The following RBP7 variants were observed in gnomAD, a reference collection of about 807,000 sequenced individuals.
RBP7 encodes retinoid-binding protein 7.
In RBP7, 13 loss-of-function variants were observed where a neutral mutation model predicts 16.7. That is an observed-to-expected ratio of 0.78 (90% confidence interval 0.51 to 1.24). The LOEUF is 1.24. Ranked by LOEUF, RBP7 falls within the 50% of genes most tolerant of loss-of-function variation. The pLI is 0.00. For missense variants in RBP7, 145 were observed against 159.5 expected (o/e 0.91, Z 0.49); for synonymous variants, 54 against 56.2 (o/e 0.96, Z 0.17).
chr1:9,997,236 G>A lies in RBP7; in HGVS notation c.-23G>A, dbSNP rs755940425. ...GGCCCGAGCCTCCGGCCGCCCGCCG[G>A]GTTTGTCCCGCGATCCCCGACCATG... On this transcript the variant is annotated 5_prime_UTR_variant, in exon 1 of 4. Coordinates refer to ENST00000294435, the MANE Select transcript of RBP7 (RefSeq NM_052960.3). This position sits in a 1 kb window ranked among gnomAD's most constrained non-coding sequence, Gnocchi z 5.9. 3 of 1,584,176 alleles carry A rather than the reference G, an allele frequency of 1.9e-6. No individual in the cohort carries two copies. Among genetic ancestry groups the A allele is most frequent in the Non-Finnish European group, 2.6e-6 (3 of 1,163,266 alleles).
intron 2 of RBP7, 67 bp from the exon 3 acceptor site, chr1:10,008,106 C>A: frequency 9.7e-7 from 1 of 1,030,716 alleles, no homozygotes; most frequent in Non-Finnish European, 1.5e-6. Flanking sequence ...GGTAACTTGG[C>A]ATTCTACTTC....
chr1:10,012,939 CAAAAAA>C (rs760583223), intron 3 of RBP7, among the ~76,000 whole-genome samples: 1 of 71,368 alleles, frequency 1.4e-5, no homozygotes, highest in African/African-American at 4.6e-5. Context: ...GAAACTGTCT[CAAAAAA>C]AAAAAAAAAA....
chr1:10,001,265 G>T (rs745823445), intron 1 of RBP7, among the ~76,000 whole-genome samples: 26 of 152,100 alleles, frequency 1.7e-4, no homozygotes, highest in Non-Finnish European at 2.8e-4. Context: ...TTGCCAAACC[G>T]CAGTGAGAAG....
At chr1:10,010,732 GCAC>G (rs1417529696) in intron 3 of RBP7, among the ~76,000 whole-genome samples, 1 of 151,992 alleles carries the variant, frequency 6.6e-6, no homozygotes, top group African/African-American at 2.4e-5. Context: ...TTACAGGCAT[GCAC>G]CACCACGCCT....
Position 10,015,997 on chromosome 1 carries a change from G to A in RBP7, c.*165G>A. On this transcript the variant is annotated 3_prime_UTR_variant, in exon 4 of 4. Transcript: ENST00000294435. The stretch of plus-strand genomic sequence containing the variant: ...ATCTAGATTATGGGGAAACTGCTCA[G>A]CTTCAATAAACCTGTCCAAATGACT... The A allele has an allele frequency of 6.5e-6, 4 of 617,568 alleles. No homozygotes were observed. Among genetic ancestry groups the A allele is most frequent in the Non-Finnish European group, 5.8e-6 (2 of 347,294 alleles). The allele number at this position is 617,568 out of a possible 1,614,324, so 38.3% of individuals were successfully genotyped here. A position where few individuals can be genotyped will look rare whatever the true frequency, so the allele number is the denominator to read the frequency against.
chr1:10,005,686 C>G (rs965544166), intron 1 of RBP7, among the ~76,000 whole-genome samples: 3 of 151,602 alleles, frequency 2.0e-5, no homozygotes, highest in Non-Finnish European at 2.9e-5. Flanking sequence ...GCCACAGTCT[C>G]CCGAGTAGCT....
chr1:10,015,760 TC>T (rs780227599), intron 3 of RBP7, 21 bp from the exon 4 acceptor site: 1 of 1,611,378 alleles, frequency 6.2e-7, no homozygotes, highest in Non-Finnish European at 8.5e-7. Context: ...TCCTTCTTTT[TC>T]CCTTCCTCCT....
At chr1:9,998,386 T>G (rs1642209369) in intron 1 of RBP7, among the ~76,000 whole-genome samples, 1 of 101,482 alleles carries the variant, frequency 9.9e-6, no homozygotes, top group African/African-American at 3.0e-5. Context: ...TTGTTTTCTT[T>G]TTTTCTTTCT....
intron 1 of RBP7, among the ~76,000 whole-genome samples, chr1:10,004,910 TCG>T (rs1012560601): frequency 6.6e-6 from 1 of 152,122 alleles, no homozygotes; most frequent in African/African-American, 2.4e-5. Context: ...GGAAGATCTC[TCG>T]AGCCTGGGAA....
rs760092015 is a variant in RBP7 at position 9,997,258 on chromosome 1, C to T, written c.-1C>T. The T allele has an allele frequency of 8.7e-6, 14 of 1,609,486 alleles. No homozygotes were observed. Among genetic ancestry groups the T allele is most frequent in the Admixed American group, 3.3e-5 (2 of 59,792 alleles). Reference sequence around the variant, plus strand: ...CCGGGTTTGTCCCGCGATCCCCGACCATGCCCGCCGACCTCAGCGGTACTT... The same window carrying T: ...CCGGGTTTGTCCCGCGATCCCCGACTATGCCCGCCGACCTCAGCGGTACTT... On this transcript the variant is annotated 5_prime_UTR_variant, in exon 1 of 4. Transcript: ENST00000294435. The surrounding 1 kb of genome is among the most constrained non-coding windows in gnomAD (Gnocchi z 5.9).
chr1:10,000,358 A>G (rs1233350545), intron 1 of RBP7, among the ~76,000 whole-genome samples: 2 of 151,838 alleles, frequency 1.3e-5, no homozygotes, highest in African/African-American at 2.4e-5. Context: ...ATGGTGAAAT[A>G]CCCCATCTCT....
chr1:10,011,835 T>A (rs2101739164), intron 3 of RBP7, among the ~76,000 whole-genome samples: 1 of 152,242 alleles, frequency 6.6e-6, no homozygotes, highest in East Asian at 1.9e-4. Context: ...GGCAGGCGGA[T>A]CACCTGAGGT....
At chr1:10,014,451 T>G (rs1418282686) in intron 3 of RBP7, among the ~76,000 whole-genome samples, 2 of 151,264 alleles carry the variant, frequency 1.3e-5, no homozygotes, top group Non-Finnish European at 2.9e-5. Context: ...AGTGGCGCAA[T>G]CTTGGCTCAC....
At position 10,012,608 on chromosome 1, in the gene RBP7, G is replaced by A. The variant is rs370255861; in HGVS notation, c.355-3174G>A. Among the ~76,000 whole-genome samples, 10 of 148,338 alleles carry A rather than the reference G, an allele frequency of 6.7e-5. No individual in the cohort carries two copies. In the East Asian group the frequency reaches 1.8e-3, roughly 26 times the overall value. ...GGAGTTTGAGTCAAGCCTGGGGAACGTAGGACTAGCCTGTCTTTAAAAAAA... is the reference window on the plus strand; with the variant it reads ...GGAGTTTGAGTCAAGCCTGGGGAACATAGGACTAGCCTGTCTTTAAAAAAA... On this transcript the variant is annotated intron_variant, in intron 3 of 3. Transcript: ENST00000294435.
chr1:10,004,738 G>C (rs1642391716), intron 1 of RBP7, among the ~76,000 whole-genome samples: 2 of 152,122 alleles, frequency 1.3e-5, no homozygotes, highest in South Asian at 2.1e-4. Flanking sequence ...TACATAATAG[G>C]GTTTAAGGAA....
Position 10,016,013 on chromosome 1 carries a change from C to T in RBP7, c.*181C>T, listed in dbSNP as rs566782416. 11 of 588,266 alleles carry T rather than the reference C, an allele frequency of 1.9e-5. No homozygotes were observed. In the East Asian group the frequency reaches 3.1e-4, roughly 17 times the overall value. 36.4% of individuals were successfully genotyped at this position (588,266 alleles called of 1,614,324 possible). A position where few individuals can be genotyped will look rare whatever the true frequency, so the allele number is the denominator to read the frequency against. On this transcript the variant is annotated 3_prime_UTR_variant, in exon 4 of 4. Coordinates refer to ENST00000294435, the MANE Select transcript of RBP7 (RefSeq NM_052960.3). ...AACTGCTCAGCTTCAATAAACCTGT[C>T]CAAATGACTCTGAAGTTTTTCCTTT...
chr1:10,010,720 A>G (rs1407577248), intron 3 of RBP7, among the ~76,000 whole-genome samples: 4 of 151,646 alleles, frequency 2.6e-5, no homozygotes, highest in Admixed American at 1.3e-4. Flanking sequence ...AAGTAGCTGG[A>G]ATTACAGGCA....
chr1:10,000,556 A>C (rs80068453), intron 1 of RBP7, among the ~76,000 whole-genome samples: 1 of 139,434 alleles, frequency 7.2e-6, no homozygotes, highest in Non-Finnish European at 1.6e-5. Context: ...TCAATAAGAC[A>C]AAAAAAAAAA....
At position 10,007,698 on chromosome 1, in the gene RBP7, G is replaced by A. The variant is rs1642484241; in HGVS notation, c.202G>A (p.Gly68Arg). The change falls in exon 2 of 4, where the codon GGA becomes AGA. Residue 68 changes from glycine (G) to arginine (R), a missense_variant. Physicochemically the swap from Gly to Arg is moderately radical, Grantham distance 125 (BLOSUM62 -2). Coordinates refer to ENST00000294435, the MANE Select transcript of RBP7 (RefSeq NM_052960.3). ...GAACTACTTTGTGAAATTTAAAGTT[G>A]GAGAAGAATTTGATGAAGATAACAG... Reference protein sequence around the residue: ...LRNYFVKFKVGEEFDEDNRGL... With the variant: ...LRNYFVKFKVREEFDEDNRGL... 1.9e-6 allele frequency: 3 copies of A among 1,613,906 alleles called. No homozygotes were observed. Among genetic ancestry groups the A allele is most frequent in the East Asian group, 2.2e-5 (1 of 44,884 alleles).
Sources: allele counts gnomAD v4.1 joint callset (sites outside exome capture counted in the v4.1 genomes callset), GRCh38; gene constraint gnomAD v4.1.1; non-coding constraint Gnocchi (gnomAD v3.1); transcripts MANE v1.5; gene names NCBI Gene and HGNC (gene_info 2026-07-23, HGNC 2026-07-21).